The following NBEA variants were observed in gnomAD, a reference collection of about 807,000 sequenced individuals.
The protein encoded by NBEA is neurobeachin, also known as lysosomal-trafficking regulator 2.
Under a neutral mutation model 343.4 loss-of-function variants are expected in NBEA, and 44 were observed. That is an observed-to-expected ratio of 0.13 (90% CI 0.10 to 0.16). The LOEUF (loss-of-function observed/expected upper bound fraction) is 0.16, where lower values mean the gene tolerates loss of function less well. Among genes scored for constraint, NBEA ranks in the 10% least tolerant of loss-of-function variants. NBEA has a pLI of 1.00. For synonymous variants in NBEA, 1,175 were observed against 1,238.7 expected, an observed-to-expected ratio of 0.95 and a Z score of 1.08; for missense variants, 2,555 against 3,631.3, an observed-to-expected ratio of 0.70 and a Z score of 7.62.
intron 34 of NBEA, among the ~76,000 whole-genome samples, chr13:35,266,967 T>C (rs1343569093): frequency 6.6e-6 from 1 of 151,984 alleles, no homozygotes; most frequent in Non-Finnish European, 1.5e-5. Context: ...TAATATGTAC[T>C]GTATTGTTAA....
At chr13:35,486,363 G>T (rs1374413475) in intron 41 of NBEA, among the ~76,000 whole-genome samples, 2 of 151,950 alleles carry the variant, frequency 1.3e-5, no homozygotes, top group Admixed American at 6.6e-5. Flanking sequence ...CCTATTAAAT[G>T]AGATAATGCT....
At chr13:34,981,127 T>C (rs921588162) in intron 1 of NBEA, among the ~76,000 whole-genome samples, 3 of 152,162 alleles carry the variant, frequency 2.0e-5, no homozygotes, top group African/African-American at 7.2e-5. Context: ...ACCCTCTCCA[T>C]GTTTGCCTTT....
In NBEA at chr13:35,210,536, A is replaced by G. The variant is rs2073699696; in HGVS notation, c.5522-517A>G. Among the ~76,000 whole-genome samples, 3 of 152,294 alleles carry G rather than the reference A, an allele frequency of 2.0e-5. 1 individual carries two copies. Among genetic ancestry groups the G allele is most frequent in the South Asian group, 4.1e-4 (2 of 4,822 alleles). ...ATCTTTACTAAAATGGCATCTTTATATCATTGAGGGAAGACTCATTATTTT... is the reference window on the plus strand; with the variant it reads ...ATCTTTACTAAAATGGCATCTTTATGTCATTGAGGGAAGACTCATTATTTT... On this transcript the variant is annotated intron_variant, in intron 32 of 58. Transcript: ENST00000379939.
intron 1 of NBEA, among the ~76,000 whole-genome samples, chr13:34,975,129 T>A (rs1220989779): frequency 1.3e-5 from 2 of 152,166 alleles, no homozygotes; most frequent in Non-Finnish European, 2.9e-5. Flanking sequence ...TTTTACTGGT[T>A]TTCTTCCTAA....
intron 34 of NBEA, among the ~76,000 whole-genome samples, chr13:35,285,780 G>A (rs957886503): frequency 8.5e-5 from 13 of 152,118 alleles, no homozygotes; most frequent in Non-Finnish European, 1.6e-4. Flanking sequence ...TTCTGTCTGC[G>A]CCCTGCTTAA....
chr13:35,001,227 G>A (rs1307406674), intron 1 of NBEA, among the ~76,000 whole-genome samples: 2 of 152,126 alleles, frequency 1.3e-5, no homozygotes, highest in African/African-American at 4.8e-5. Context: ...TGGTAGGAAT[G>A]TACATTAATA....
At chr13:35,429,925 C>T (rs143875612) in intron 38 of NBEA, among the ~76,000 whole-genome samples, 1 of 151,724 alleles carries the variant, frequency 6.6e-6, no homozygotes, top group African/African-American at 2.4e-5. Context: ...TATAAACATG[C>T]ATGTGCAAGT....
chr13:35,160,556 A>G (rs528838295), intron 22 of NBEA, among the ~76,000 whole-genome samples: 12 of 152,306 alleles, frequency 7.9e-5, no homozygotes, highest in African/African-American at 2.9e-4. Context: ...ACTGTGCTAT[A>G]TGTTTTCAGA....
In NBEA at chr13:35,045,248, A is replaced by G. The variant is rs9543121; in HGVS notation, c.628-58A>G. 0.16 allele frequency: 224,077 copies of G among 1,412,626 alleles called. 21,031 individuals carry two copies. The highest frequency in any genetic ancestry group is 0.46 in the East Asian group (19,435 of 42,710). 87.5% of individuals were successfully genotyped at this position (1,412,626 alleles called of 1,614,324 possible). The stretch of plus-strand genomic sequence containing the variant: ...AACAGTCCAATGGGTAACATGGTAT[A>G]TTAAGTATGATTGCTAAATTTGTAC... On this transcript the variant is annotated intron_variant, in intron 3 of 58. Coordinates refer to ENST00000379939, the MANE Select transcript of NBEA (RefSeq NM_001385012.1).
At chr13:35,214,057 G>A (rs1014965762) in intron 33 of NBEA, among the ~76,000 whole-genome samples, 14 of 151,898 alleles carry the variant, frequency 9.2e-5, no homozygotes, top group African/African-American at 1.7e-4. Flanking sequence ...GTGATTTATC[G>A]ATATCTTTTT....
rs745884062 is a variant in NBEA, at chr13:35,159,502, G to C, written c.3331G>C (p.Val1111Leu). Residue 1111 changes from valine (V) to leucine (L), a missense_variant, in exon 22 of 59, where the codon GTA (valine) becomes CTA (leucine). By Grantham distance (32) the Val-to-Leu change is conservative. Coordinates refer to ENST00000379939, the MANE Select transcript of NBEA (RefSeq NM_001385012.1). ...SAAVEKLQNN[V>L]HGSVGIIKKN... ...TGCTGTTGAGAAACTCCAGAACAAT[G>C]TACATGGAAGTGTTGGTATCATTAA... 1 of 1,613,082 alleles carries C rather than the reference G, an allele frequency of 6.2e-7. No homozygotes were observed. The highest frequency in any genetic ancestry group is 1.3e-5 in the African/African-American group (1 of 74,842).
At chr13:35,381,976 TG>T (rs774281602) in intron 38 of NBEA, among the ~76,000 whole-genome samples, 10 of 152,238 alleles carry the variant, frequency 6.6e-5, no homozygotes, top group Non-Finnish European at 1.3e-4. Context: ...TGATGAAGAA[TG>T]GAAAACAACA....
chr13:35,461,586 C>T (rs2046906787), intron 40 of NBEA, among the ~76,000 whole-genome samples: 1 of 152,058 alleles, frequency 6.6e-6, no homozygotes, highest in Non-Finnish European at 1.5e-5. Context: ...AGGGAAAATG[C>T]AAGATAACAA....
intron 52 of NBEA, among the ~76,000 whole-genome samples, chr13:35,650,594 C>T (rs977150413): frequency 5.3e-5 from 8 of 152,076 alleles, no homozygotes; most frequent in Non-Finnish European, 1.2e-4. Context: ...CCCAGCTACT[C>T]GGGAGGCTGA....
At chr13:35,512,313 AAAC>A (rs2077306120) in intron 41 of NBEA, among the ~76,000 whole-genome samples, 1 of 152,210 alleles carries the variant, frequency 6.6e-6, no homozygotes, top group Non-Finnish European at 1.5e-5. Flanking sequence ...TCCTGGGATT[AAAC>A]CTGAATAGCA....
At chr13:35,093,969 C>G (rs577107534) in intron 10 of NBEA, among the ~76,000 whole-genome samples, 31 of 151,712 alleles carry the variant, frequency 2.0e-4, no homozygotes, top group Admixed American at 9.9e-4. Context: ...TTGTTACATA[C>G]TATATACTAA....
At chr13:35,485,041 A>G (rs1459020093) in intron 41 of NBEA, among the ~76,000 whole-genome samples, 1 of 152,150 alleles carries the variant, frequency 6.6e-6, no homozygotes, top group Non-Finnish European at 1.5e-5. Flanking sequence ...TTTCAGACTC[A>G]TAGTAGCACC....
intron 17 of NBEA, among the ~76,000 whole-genome samples, chr13:35,125,082 T>A (rs2067045841): frequency 1.3e-5 from 2 of 152,174 alleles, no homozygotes; most frequent in Admixed American, 1.3e-4. Context: ...AAGCAGGCAG[T>A]TTCCTGTATA....
intron 18 of NBEA, among the ~76,000 whole-genome samples, chr13:35,154,175 G>A (rs1489668648): frequency 7.2e-5 from 11 of 152,078 alleles, no homozygotes; most frequent in Non-Finnish European, 2.9e-5. Flanking sequence ...TCTTTTTTAT[G>A]AACATTCCTA....
Sources: gnomAD v4.1 joint callset for allele counts (sites outside exome capture counted in the v4.1 genomes callset) on GRCh38, gnomAD v4.1.1 for gene constraint, MANE v1.5 for transcripts, NCBI Gene and HGNC (gene_info 2026-07-23, HGNC 2026-07-21) for gene names.